ADAMTSL1: variants seen among roughly 807,000 people sequenced by gnomAD.
ADAMTSL1 encodes ADAMTS-like protein 1.
A neutral mutation model predicts 201.8 loss-of-function variants in ADAMTSL1; 126 were observed. That is an observed-to-expected ratio of 0.62 (90% CI 0.54 to 0.72). The LOEUF is 0.72. Ranked by LOEUF, ADAMTSL1 falls within the 30% of genes least tolerant of loss-of-function variation. The pLI is 0.00. For missense variants in ADAMTSL1, 2,679 were observed against 2,277.8 expected, an observed-to-expected ratio of 1.18 and a Z score of -3.59; for synonymous variants, 1,121 against 903.4, an observed-to-expected ratio of 1.24 and a Z score of -4.32.
At chr9:18,120,188 A>C (rs955743852) in intron 1 of ADAMTSL1, among the ~76,000 whole-genome samples, 1 of 152,168 alleles carries the variant, frequency 6.6e-6, no homozygotes, top group Non-Finnish European at 1.5e-5. Context: ...AAGTTCACTC[A>C]CATGGTCAAT....
chr9:17,983,133 G>T (rs1563932909), intron 1 of ADAMTSL1, among the ~76,000 whole-genome samples: 1 of 129,742 alleles, frequency 7.7e-6, no homozygotes, highest in Non-Finnish European at 1.6e-5. Context: ...GCAATGGCAC[G>T]ATCTCTGCTC....
At chr9:18,842,390 G>A (rs982266351) in intron 23 of ADAMTSL1, among the ~76,000 whole-genome samples, 2 of 152,154 alleles carry the variant, frequency 1.3e-5, no homozygotes, top group African/African-American at 4.8e-5. Context: ...TGATTGCACT[G>A]TGGTCTGAGG....
chr9:18,424,150 G>A (rs929679843), intron 2 of ADAMTSL1, among the ~76,000 whole-genome samples: 4 of 152,278 alleles, frequency 2.6e-5, no homozygotes, highest in African/African-American at 9.6e-5. Flanking sequence ...TTTAGATATG[G>A]CCTTGCTTAA....
At chr9:18,534,309 C>A (rs1300063523) in intron 3 of ADAMTSL1, among the ~76,000 whole-genome samples, 4 of 151,862 alleles carry the variant, frequency 2.6e-5, no homozygotes, top group African/African-American at 4.8e-5. Flanking sequence ...CAGGAGGATC[C>A]CTTTAGCCCA....
At chr9:18,158,494 A>G (rs181533458) in intron 1 of ADAMTSL1, among the ~76,000 whole-genome samples, 57 of 152,018 alleles carry the variant, frequency 3.7e-4, no homozygotes, top group Admixed American at 3.2e-3. Context: ...TTGACATTTA[A>G]GCTCATTAGA....
intron 13 of ADAMTSL1, among the ~76,000 whole-genome samples, chr9:18,696,486 G>A (rs1831557585): frequency 6.6e-6 from 1 of 152,172 alleles, no homozygotes; most frequent in Non-Finnish European, 1.5e-5. Context: ...GGGACAGTAG[G>A]AGACAATTAA....
intron 2 of ADAMTSL1, among the ~76,000 whole-genome samples, chr9:18,166,990 G>A (rs575745112): frequency 1.3e-5 from 2 of 151,872 alleles, no homozygotes; most frequent in African/African-American, 2.4e-5. Context: ...GGCTAATTTC[G>A]TTCTCTGCAC....
At chr9:17,940,346 G>A (rs1175197248) in intron 1 of ADAMTSL1, among the ~76,000 whole-genome samples, 1 of 151,992 alleles carries the variant, frequency 6.6e-6, no homozygotes, top group African/African-American at 2.4e-5. Flanking sequence ...GCTTGAAGTA[G>A]GCTGTGGCAG....
intron 2 of ADAMTSL1, among the ~76,000 whole-genome samples, chr9:18,225,914 T>G (rs914424398): frequency 6.6e-6 from 1 of 152,160 alleles, no homozygotes; most frequent in Non-Finnish European, 1.5e-5. Context: ...ATTTCAGTTT[T>G]TCTTATGTCT....
chr9:17,941,258 T>C (rs1396674545), intron 1 of ADAMTSL1, among the ~76,000 whole-genome samples: 3 of 152,142 alleles, frequency 2.0e-5, no homozygotes, highest in South Asian at 4.1e-4. Flanking sequence ...CTTTATCTCA[T>C]TGGGTAAATT....
rs1026012421 is a variant in ADAMTSL1, at chr9:18,515,034, G to T, written c.191+10078G>T. Reference sequence around the variant, plus strand: ...TGCATCTTTCAAAGATGATCATGTGGTTTTTATTCCTCCTTCTGTTATGGA... The same window carrying T: ...TGCATCTTTCAAAGATGATCATGTGTTTTTTATTCCTCCTTCTGTTATGGA... On this transcript the variant is annotated intron_variant, in intron 2 of 28. Transcript: ENST00000380548. Among the ~76,000 whole-genome samples the T allele has an allele frequency of 2.0e-5, 3 of 152,130 alleles. No individual in the cohort carries two copies. In the East Asian group the frequency reaches 5.8e-4, roughly 29 times the overall value.
intron 4 of ADAMTSL1, among the ~76,000 whole-genome samples, chr9:18,621,440 G>A (rs576883076): frequency 1.3e-5 from 2 of 152,158 alleles, no homozygotes; most frequent in South Asian, 4.1e-4. Flanking sequence ...TTACTTGCAT[G>A]GCTCTTTTGA....
At chr9:18,546,371 G>A (rs2132189368) in intron 3 of ADAMTSL1, among the ~76,000 whole-genome samples, 1 of 152,108 alleles carries the variant, frequency 6.6e-6, no homozygotes, top group Non-Finnish European at 1.5e-5. Flanking sequence ...GGGTGCACGG[G>A]TACAATCACA....
At chr9:18,461,534 AG>A (rs1351231571) in intron 2 of ADAMTSL1, among the ~76,000 whole-genome samples, 1 of 152,198 alleles carries the variant, frequency 6.6e-6, no homozygotes, top group Non-Finnish European at 1.5e-5. Context: ...GTTCACAGAC[AG>A]GGTAGACATA....
chr9:18,125,391 C>G (rs1331895849), intron 1 of ADAMTSL1, among the ~76,000 whole-genome samples: 2 of 152,088 alleles, frequency 1.3e-5, no homozygotes, highest in Non-Finnish European at 2.9e-5. Flanking sequence ...GAGTTAAATT[C>G]AAGTTAAGAT....
At chr9:18,405,144 T>C (rs16936647) in intron 2 of ADAMTSL1, among the ~76,000 whole-genome samples, 3,686 of 152,302 alleles carry the variant, frequency 0.024, 172 homozygotes, top group African/African-American at 0.084. Context: ...TTTTTCTTTA[T>C]GGTGCTGTGC....
At chr9:18,582,594 A>G (rs143026266) in intron 4 of ADAMTSL1, among the ~76,000 whole-genome samples, 24 of 152,262 alleles carry the variant, frequency 1.6e-4, no homozygotes, top group Non-Finnish European at 3.1e-4. Context: ...CACACCTGTA[A>G]TCCCAGCACT....
At chr9:18,295,366 G>C (rs960287785) in intron 2 of ADAMTSL1, among the ~76,000 whole-genome samples, 8 of 151,010 alleles carry the variant, frequency 5.3e-5, no homozygotes, top group African/African-American at 1.9e-4. Context: ...TTTAGACAGA[G>C]TATCACTCTG....
At chr9:18,006,235 T>C (rs1351107789) in intron 1 of ADAMTSL1, among the ~76,000 whole-genome samples, 4 of 152,038 alleles carry the variant, frequency 2.6e-5, no homozygotes, top group Non-Finnish European at 1.5e-5. Flanking sequence ...ACACTAGAGG[T>C]TAATAACTTC....
Sources: gnomAD v4.1 joint callset for allele counts (sites outside exome capture counted in the v4.1 genomes callset) on GRCh38, gnomAD v4.1.1 for gene constraint, MANE v1.5 for transcripts, NCBI Gene and HGNC (gene_info 2026-07-23, HGNC 2026-07-21) for gene names.